C11orf65: variants seen among roughly 807,000 people sequenced by gnomAD.
C11orf65 encodes the protein chromosome 11 open reading frame 65, also known as protein MFI.
Under a neutral mutation model 35.3 loss-of-function variants are expected in C11orf65, and 38 were observed. The ratio of observed to expected loss-of-function variants is 1.08; its 90% confidence interval spans 0.83 to 1.41. C11orf65 has a LOEUF of 1.41. Ranked by LOEUF, C11orf65 falls within the 40% of genes most tolerant of loss-of-function variation. The pLI, the probability that C11orf65 is intolerant of heterozygous loss-of-function variation, is 0.00. For synonymous variants in C11orf65, 105 were observed against 114.4 expected, an observed-to-expected ratio of 0.92 and a Z score of 0.53; for missense variants, 370 against 367.1, an observed-to-expected ratio of 1.01 and a Z score of -0.06.
At chr11:108,336,121 A>AC (rs768943828) in intron 2 of C11orf65, 148 of 575,396 alleles carry the variant, frequency 2.6e-4, no homozygotes, top group Non-Finnish European at 3.6e-4. Context: ...ACATAGTGAG[A>AC]CCCCATCTTG....
At chr11:108,338,074 C>T (rs2087051835) in intron 2 of C11orf65, among the ~76,000 whole-genome samples, 1 of 152,262 alleles carries the variant, frequency 6.6e-6, no homozygotes, top group African/African-American at 2.4e-5. Context: ...TCTAGCCGGG[C>T]ATGGTGGCCC....
At chr11:108,320,939 A>C (rs567469993) in intron 6 of C11orf65, among the ~76,000 whole-genome samples, 111 of 152,352 alleles carry the variant, frequency 7.3e-4, no homozygotes, top group Admixed American at 1.4e-3. Flanking sequence ...AGAAAATGTT[A>C]TTGAAAATTA....
At chr11:108,466,834 A>C (rs974442501) in intron 1 of C11orf65, among the ~76,000 whole-genome samples, 2 of 152,242 alleles carry the variant, frequency 1.3e-5, no homozygotes, top group Non-Finnish European at 2.9e-5. Flanking sequence ...AACAATCTTT[A>C]CTTTGCTTGA....
intron 2 of C11orf65, among the ~76,000 whole-genome samples, chr11:108,445,967 G>A (rs892393636): frequency 3.9e-5 from 6 of 152,178 alleles, no homozygotes; most frequent in East Asian, 1.9e-4. Context: ...CGAGAACTAC[G>A]TGAAGAATGC....
intron 2 of C11orf65, among the ~76,000 whole-genome samples, chr11:108,358,743 G>A (rs947083013): frequency 4.7e-4 from 70 of 149,614 alleles, no homozygotes; most frequent in Non-Finnish European, 8.5e-4. Context: ...ACAAGCAAAT[G>A]CTGAGAGATT....
chr11:108,381,243 T>C (rs1043493712), downstream of C11orf65, among the ~76,000 whole-genome samples: 3 of 152,148 alleles, frequency 2.0e-5, no homozygotes, highest in Non-Finnish European at 2.9e-5. Flanking sequence ...CTACTCTCAG[T>C]GATCCCTTGG....
chr11:108,377,155 A>G (rs2091751588), intron 2 of C11orf65, among the ~76,000 whole-genome samples: 1 of 151,502 alleles, frequency 6.6e-6, no homozygotes, highest in Admixed American at 6.6e-5. Flanking sequence ...CCTGATACCA[A>G]AGCCGAGCAG....
chr11:108,407,207 T>C (rs902571514), intron 3 of C11orf65, 58 bp from the exon 4 acceptor site: 30 of 1,155,220 alleles, frequency 2.6e-5, no homozygotes, highest in Non-Finnish European at 3.5e-5. Flanking sequence ...ATGTATCAAT[T>C]CACTATTTCT....
At chr11:108,327,542 A>T, downstream of C11orf65, 1 of 929,898 alleles carries the variant, frequency 1.1e-6, no homozygotes. Flanking sequence ...CCCACCCACC[A>T]AGGAAAAACA....
intron 3 of C11orf65, among the ~76,000 whole-genome samples, chr11:108,421,210 C>T (rs541713601): frequency 3.3e-5 from 5 of 152,264 alleles, no homozygotes; most frequent in Admixed American, 3.3e-4. Flanking sequence ...TTTGCCTGTT[C>T]CTGCCTTGTC....
intron 2 of C11orf65, among the ~76,000 whole-genome samples, chr11:108,450,305 A>G (rs1384307738): frequency 2.0e-5 from 3 of 151,242 alleles, no homozygotes; most frequent in Non-Finnish European, 4.4e-5. Flanking sequence ...AGGATTATAA[A>G]TATAAAGACA....
At chr11:108,451,753 G>C (rs563742034) in intron 2 of C11orf65, among the ~76,000 whole-genome samples, 79 of 152,160 alleles carry the variant, frequency 5.2e-4, no homozygotes, top group East Asian at 2.3e-3. Context: ...TGACTTCAAA[G>C]TCTACTACAA....
chr11:108,358,798 C>T (rs1461199752), intron 2 of C11orf65, among the ~76,000 whole-genome samples: 1 of 149,104 alleles, frequency 6.7e-6, no homozygotes, highest in Non-Finnish European at 1.5e-5. Flanking sequence ...GAAGGAAGCA[C>T]TAAACATGGA....
chr11:108,445,762 G>A (rs113073707), intron 2 of C11orf65, among the ~76,000 whole-genome samples: 1 of 152,188 alleles, frequency 6.6e-6, no homozygotes, highest in Non-Finnish European at 1.5e-5. Context: ...ATGGAACAAA[G>A]CTGGATGGAG....
At chr11:108,442,810 C>T (rs1411497910) in intron 2 of C11orf65, among the ~76,000 whole-genome samples, 1 of 152,272 alleles carries the variant, frequency 6.6e-6, no homozygotes, top group East Asian at 1.9e-4. Flanking sequence ...TCCCTTACAA[C>T]AGCTCCTGAA....
intron 7 of C11orf65, among the ~76,000 whole-genome samples, chr11:108,388,936 T>G (rs868520948): frequency 6.6e-6 from 1 of 152,216 alleles, no homozygotes. Context: ...ATAATAACAA[T>G]GTTCGGTTAA....
chr11:108,403,070 A>G (rs1290385144), intron 6 of C11orf65, among the ~76,000 whole-genome samples: 1 of 152,160 alleles, frequency 6.6e-6, no homozygotes, highest in Non-Finnish European at 1.5e-5. Context: ...CTTTCTGTGG[A>G]CATGTTTTTA....
intron 6 of C11orf65, among the ~76,000 whole-genome samples, chr11:108,310,941 C>CT (rs1304895114): frequency 6.6e-6 from 1 of 151,968 alleles, no homozygotes; most frequent in African/African-American, 2.4e-5. Context: ...AAGTAAAACA[C>CT]TTTATTATCC....
At chr11:108,430,800 G>A (rs1031816419) in intron 3 of C11orf65, among the ~76,000 whole-genome samples, 1 of 151,770 alleles carries the variant, frequency 6.6e-6, no homozygotes, top group Admixed American at 6.6e-5. Context: ...AGCCCTGATC[G>A]TGCCACTGCA....
Sources: allele counts gnomAD v4.1 joint callset (sites outside exome capture counted in the v4.1 genomes callset), GRCh38; gene constraint gnomAD v4.1.1; transcripts MANE v1.5; gene names NCBI Gene and HGNC (gene_info 2026-07-23, HGNC 2026-07-21).